Variants in ANKS1A observed in about 807,000 individuals in gnomAD.
ANKS1A encodes ankyrin repeat and SAM domain-containing protein 1A.
In ANKS1A, 55 loss-of-function variants were observed where a neutral mutation model predicts 120.3. The observed-to-expected ratio is 0.46, with a 90% CI of 0.37 to 0.57. ANKS1A has a LOEUF of 0.57. Among genes scored for constraint, ANKS1A ranks in the 20% least tolerant of loss-of-function variants. The pLI is 0.00. For missense variants in ANKS1A, 1,123 were observed against 1,480.3 expected (o/e 0.76, Z 3.96); for synonymous variants, 590 against 604.7 (o/e 0.98, Z 0.36).
intron 23 of ANKS1A, among the ~76,000 whole-genome samples, chr6:35,088,223 G>GTCTT (rs1778098554): frequency 6.6e-6 from 1 of 152,260 alleles, no homozygotes; most frequent in Admixed American, 6.5e-5. Context: ...GTGGAGCTGA[G>GTCTT]TCTTTGAAGA....
intron 10 of ANKS1A, among the ~76,000 whole-genome samples, chr6:35,003,802 TGA>T (rs1488651642): frequency 6.6e-6 from 1 of 152,186 alleles, no homozygotes; most frequent in Non-Finnish European, 1.5e-5. Flanking sequence ...TAATAAAAAG[TGA>T]GAGTCTCAAA....
intron 13 of ANKS1A, among the ~76,000 whole-genome samples, chr6:35,069,986 C>G (rs888859567): frequency 7.5e-6 from 1 of 133,522 alleles, no homozygotes; most frequent in Non-Finnish European, 1.5e-5. Context: ...AAGATTGTGC[C>G]ATTGCACTCC....
chr6:35,012,695 C>T (rs1478514703), intron 10 of ANKS1A, among the ~76,000 whole-genome samples: 2 of 152,326 alleles, frequency 1.3e-5, no homozygotes, highest in East Asian at 3.9e-4. Context: ...AATTAAAATG[C>T]AGCACAGAAG....
At chr6:34,913,948 C>T (rs908533701) in intron 1 of ANKS1A, among the ~76,000 whole-genome samples, 1 of 148,900 alleles carries the variant, frequency 6.7e-6, no homozygotes, top group Non-Finnish European at 1.5e-5. Context: ...GATGGAGTCT[C>T]GCTCTGTTGC....
rs576850634 is a variant in ANKS1A, at chr6:34,941,358, T to C, written c.198-25881T>C. On this transcript the variant is annotated intron_variant, in intron 1 of 23. Transcript: ENST00000360359. ...ATATATTCCATTTTTATTTTGATGATGTTACATAATCCACAACTTGGCTTT... is the reference window on the plus strand; with the variant it reads ...ATATATTCCATTTTTATTTTGATGACGTTACATAATCCACAACTTGGCTTT... 3.8e-3 allele frequency among the ~76,000 whole-genome samples: 585 copies of C among 152,294 alleles called. 2 individuals are homozygous for C. The highest frequency in any genetic ancestry group is 0.013 in the African/African-American group (555 of 41,572).
At chr6:34,922,635 G>A (rs552050206) in intron 1 of ANKS1A, among the ~76,000 whole-genome samples, 1 of 151,676 alleles carries the variant, frequency 6.6e-6, no homozygotes, top group African/African-American at 2.4e-5. Flanking sequence ...GGTTGACTGT[G>A]TCCCTGTGAG....
At chr6:35,081,681 G>T (rs368955982) in intron 17 of ANKS1A, among the ~76,000 whole-genome samples, 2 of 152,214 alleles carry the variant, frequency 1.3e-5, no homozygotes, top group South Asian at 2.1e-4. Context: ...AGCCCCGTGG[G>T]GGGCACCGCT....
In ANKS1A at chr6:35,056,437, C is replaced by T. The variant is rs185670296; in HGVS notation, c.2077+2272C>T. 2.5e-3 allele frequency among the ~76,000 whole-genome samples: 376 copies of T among 152,206 alleles called. 2 individuals carry two copies. The highest frequency in any genetic ancestry group is 8.4e-3 in the African/African-American group (347 of 41,520). Reference sequence around the variant, plus strand: ...CCGAGTAGCTGGGACTACAGGCGCCCGCCACCACGCCCGGCTAATTTTTTG... The same window carrying T: ...CCGAGTAGCTGGGACTACAGGCGCCTGCCACCACGCCCGGCTAATTTTTTG... On this transcript the variant is annotated intron_variant, in intron 12 of 23. Transcript: ENST00000360359.
chr6:34,948,017 A>C (rs1304291427), intron 1 of ANKS1A, among the ~76,000 whole-genome samples: 2 of 152,134 alleles, frequency 1.3e-5, no homozygotes, highest in African/African-American at 4.8e-5. Flanking sequence ...AAAAACCTGG[A>C]CTTAGTTAAA....
chr6:34,916,278 C>T (rs946756745), intron 1 of ANKS1A, among the ~76,000 whole-genome samples: 5 of 152,150 alleles, frequency 3.3e-5, no homozygotes, highest in African/African-American at 1.2e-4. Context: ...CAGGCATGAG[C>T]CACTGCGCCC....
rs753036661 is a variant in ANKS1A at position 35,086,803 on chromosome 6, C to T, written c.3304-149C>T. 2.5e-5 allele frequency: 19 copies of T among 769,306 alleles called. No homozygotes were observed. The highest frequency in any genetic ancestry group is 3.9e-5 in the Non-Finnish European group (18 of 458,628). 47.7% of individuals were successfully genotyped at this position (769,306 alleles called of 1,614,324 possible). Reference sequence around the variant, plus strand: ...AGGAGGGTGTCCCTCCTCCGCCTGCCCCCAGGGGCCTGCTCTTTGGCCGAG... The same window carrying T: ...AGGAGGGTGTCCCTCCTCCGCCTGCTCCCAGGGGCCTGCTCTTTGGCCGAG... On this transcript the variant is annotated intron_variant, in intron 22 of 23. Coordinates refer to ENST00000360359, the MANE Select transcript of ANKS1A (RefSeq NM_015245.3). The surrounding 1 kb of genome is among the most constrained non-coding windows in gnomAD (Gnocchi z 5.1).
intron 11 of ANKS1A, chr6:35,023,635 G>T: frequency 2.1e-6 from 1 of 483,238 alleles, no homozygotes; most frequent in South Asian, 1.6e-5. Flanking sequence ...AAATCTCAGG[G>T]AGAAGTATCA....
At chr6:34,893,833 T>G (rs757465890) in intron 1 of ANKS1A, among the ~76,000 whole-genome samples, 2 of 152,356 alleles carry the variant, frequency 1.3e-5, no homozygotes, top group African/African-American at 4.8e-5. Context: ...AGCATCAGTT[T>G]ACTGTATCTT....
At chr6:35,012,385 A>G (rs1251468554) in intron 10 of ANKS1A, among the ~76,000 whole-genome samples, 1 of 152,190 alleles carries the variant, frequency 6.6e-6, no homozygotes, top group Admixed American at 6.5e-5. Flanking sequence ...GAGCCTGGTG[A>G]CCCTCTGAAA....
At chr6:34,894,065 T>A (rs1297405874) in intron 1 of ANKS1A, among the ~76,000 whole-genome samples, 1 of 152,234 alleles carries the variant, frequency 6.6e-6, no homozygotes, top group African/African-American at 2.4e-5. Context: ...TGGATTATAC[T>A]TTATATAATA....
chr6:35,087,034 G>A lies in ANKS1A; in HGVS notation c.3386G>A (p.Arg1129Gln), dbSNP rs747881797. 28 of 1,614,126 alleles carry A rather than the reference G, an allele frequency of 1.7e-5. No individual in the cohort carries two copies. Among genetic ancestry groups the A allele is most frequent in the South Asian group, 3.3e-5 (3 of 91,080 alleles). Reference protein sequence around the residue: ...WVVDPKPDSKRSLSTN With the variant: ...WVVDPKPDSKQSLSTN Reference sequence around the variant, plus strand: ...GTGGACCCCAAACCAGACTCTAAGCGGAGCCTCAGCACCAAGTATGAGACC... The same window carrying A: ...GTGGACCCCAAACCAGACTCTAAGCAGAGCCTCAGCACCAAGTATGAGACC... The change falls in exon 23 of 24, where the codon CGG (arginine) becomes CAG (glutamine). Residue 1129 changes from arginine (R) to glutamine (Q), a missense_variant. By Grantham distance (43) the Arg-to-Gln change is conservative. Around this residue, in one of 3 missense-constraint regions of ANKS1A, gnomAD observed 904 missense variants for 1,130.4 expected, o/e 0.80. Coordinates refer to ENST00000360359, the MANE Select transcript of ANKS1A (RefSeq NM_015245.3).
At chr6:35,042,111 T>C (rs1026053194) in intron 11 of ANKS1A, among the ~76,000 whole-genome samples, 3 of 152,230 alleles carry the variant, frequency 2.0e-5, no homozygotes, top group Non-Finnish European at 4.4e-5. Context: ...CATTTATTAT[T>C]GCTGTTGAAA....
intron 11 of ANKS1A, among the ~76,000 whole-genome samples, chr6:35,020,284 CAATT>C (rs1286890549): frequency 3.3e-5 from 5 of 152,098 alleles, no homozygotes; most frequent in East Asian, 3.8e-4. Flanking sequence ...TACAGTGTAA[CAATT>C]ACTTACATAT....
In ANKS1A at chr6:35,018,058, A is replaced by G; in HGVS notation, c.2009A>G (p.Glu670Gly). 6.2e-7 allele frequency: 1 copy of G among 1,612,518 alleles called. No individual in the cohort carries two copies. ...KSPSFASEWD[E>G]IEKIMSSIGE... is the part of the protein sequence containing the mutation. The stretch of plus-strand genomic sequence containing the variant: ...CCCTCCTTCGCCTCGGAGTGGGATG[A>G]GGTAAGGCCGACATGACGTCACAGG... The change falls in exon 11 of 24, where the codon GAG becomes GGG. Residue 670 changes from glutamate (E) to glycine (G), a missense_variant and splice_region_variant. Glu to Gly is a moderately conservative substitution (Grantham distance 98). Transcript: ENST00000360359.
Sources: allele counts gnomAD v4.1 joint callset (sites outside exome capture counted in the v4.1 genomes callset), GRCh38; gene constraint gnomAD v4.1.1; regional missense constraint gnomAD v4.1.1; non-coding constraint Gnocchi (gnomAD v3.1); transcripts MANE v1.5; gene names NCBI Gene and HGNC (gene_info 2026-07-23, HGNC 2026-07-21).